The following RHBDD3 variants were observed in gnomAD, a reference collection of about 807,000 sequenced individuals.
RHBDD3 encodes the protein rhomboid domain containing 3.
RHBDD3 carries 34 observed loss-of-function variants against 32.3 expected under a neutral mutation model. That is an observed-to-expected ratio of 1.05 (90% CI 0.80 to 1.40). The LOEUF (loss-of-function observed/expected upper bound fraction) is 1.40, where lower values mean the gene tolerates loss of function less well. RHBDD3 is among the 40% of genes most tolerant of loss of function. The probability of loss-of-function intolerance (pLI) is 0.00; values close to 1 mark genes in which losing one functional copy is unlikely to be tolerated. For missense variants in RHBDD3, 482 were observed against 492.6 expected (o/e 0.98, Z 0.20); for synonymous variants, 249 against 239.1 (o/e 1.04, Z -0.38).
At chr22:29,265,974 T>C (rs889493564) in intron 2 of RHBDD3, among the ~76,000 whole-genome samples, 1 of 152,140 alleles carries the variant, frequency 6.6e-6, no homozygotes, top group African/African-American at 2.4e-5. Context: ...TTCAGGGCCA[T>C]CTCTAGCCCT....
At chr22:29,265,258 G>A in intron 3 of RHBDD3, 1 of 408,338 alleles carries the variant, frequency 2.4e-6, no homozygotes, top group Non-Finnish European at 4.3e-6. Flanking sequence ...CATGAGAAAA[G>A]CACTCCTACC....
At position 29,260,196 on chromosome 22, in the gene RHBDD3, G is replaced by T; in HGVS notation, c.1025C>A (p.Ala342Glu). Residue 342 changes from alanine to glutamate, a missense_variant, in exon 7 of 7, where the codon GCG becomes GAG. Coordinates refer to ENST00000216085, the MANE Select transcript of RHBDD3 (RefSeq NM_012265.3). ...LERMGFPTEQ[A>E]VVALAATGRV... The stretch of plus-strand genomic sequence containing the variant: ...GCCTGTGGCTGCCAGTGCCACCACC[G>T]CCTGCTCCGTAGGGAAGCCCATGCG... 1 of 1,594,794 alleles carries T rather than the reference G, an allele frequency of 6.3e-7. No homozygotes were observed. Among genetic ancestry groups the T allele is most frequent in the Non-Finnish European group, 8.5e-7 (1 of 1,171,250 alleles).
At chr22:29,263,787 C>A in intron 4 of RHBDD3, 48 bp downstream of exon 4, 1 of 1,467,032 alleles carries the variant, frequency 6.8e-7, no homozygotes, top group South Asian at 1.4e-5. Flanking sequence ...GGCACCCACC[C>A]ACAGAACCCA....
intron 2 of RHBDD3, among the ~76,000 whole-genome samples, chr22:29,266,628 A>G (rs1020062252): frequency 6.6e-6 from 1 of 152,006 alleles, no homozygotes. Context: ...TGCCCACCAA[A>G]GCAAGGCCTT....
chr22:29,261,340 T>C (rs1257425843), intron 4 of RHBDD3: 1 of 469,458 alleles, frequency 2.1e-6, no homozygotes, highest in East Asian at 6.9e-5. Flanking sequence ...CACAGCTGTA[T>C]AATCCCAGCA....
chr22:29,265,776 T>A (rs1446647860), intron 2 of RHBDD3, 108 bp from the exon 3 acceptor site: 1 of 1,163,588 alleles, frequency 8.6e-7, no homozygotes, highest in Non-Finnish European at 1.1e-6. Flanking sequence ...GGAAACAGGC[T>A]GGAGACGCAG....
Position 29,265,539 on chromosome 22 carries a change from G to A in RHBDD3, c.88C>T (p.Leu30=). 6.3e-7 allele frequency: 1 copy of A among 1,584,774 alleles called. No homozygotes were observed. The highest frequency in any genetic ancestry group is 8.6e-7 in the Non-Finnish European group (1 of 1,169,474). ...VLMLLMSTLW[L]VGAGPGLVLA... ...ACCAGGCCGGGGCCGGCCCCCACCA[G>A]CCACAGGGTGCTCATCAGCAGCATC... The change falls in exon 3 of 7, where the codon CTG becomes TTG. Residue 30 remains leucine, a synonymous_variant. Coordinates refer to ENST00000216085, the MANE Select transcript of RHBDD3 (RefSeq NM_012265.3).
rs2058146962 is a variant in RHBDD3 at position 29,263,880 on chromosome 22, G to C, written c.487C>G (p.Pro163Ala). The change falls in exon 4 of 7, where the codon CCA becomes GCA. Residue 163 changes from proline to alanine, a missense_variant. Pro to Ala is a conservative substitution (Grantham distance 27). Transcript: ENST00000216085. ...CCGCAAAGGAGCTGCAGGAAGGGTG[G>C]CTCAGAGCTGAGCAGTGGGGTCAGG... Reference protein sequence around the residue: ...LALTPLLSSEPPFLQLLCGLL... With the variant: ...LALTPLLSSEAPFLQLLCGLL... 1.3e-6 allele frequency: 2 copies of C among 1,547,660 alleles called. No homozygotes were observed. The highest frequency in any genetic ancestry group is 1.7e-6 in the Non-Finnish European group (2 of 1,145,558).
chr22:29,263,021 G>A (rs979426458), intron 4 of RHBDD3, among the ~76,000 whole-genome samples: 2 of 151,656 alleles, frequency 1.3e-5, no homozygotes, highest in African/African-American at 4.8e-5. Context: ...GACTATAGGC[G>A]CCTGCCACCA....
Position 29,264,049 on chromosome 22 carries a change from C to G in RHBDD3, c.318G>C (p.Leu106=). ...LALASGLLAV[L]LAGLGLSSAA... ...CACTGGACAGCCCAAGGCCTGCCAGCAGCACTGCCAGCAGCCCAGAAGCCA... is the reference window on the plus strand; with the variant it reads ...CACTGGACAGCCCAAGGCCTGCCAGGAGCACTGCCAGCAGCCCAGAAGCCA... The change falls in exon 4 of 7, where the codon CTG becomes CTC. Residue 106 remains leucine, a synonymous_variant. Coordinates refer to ENST00000216085, the MANE Select transcript of RHBDD3 (RefSeq NM_012265.3). 2 of 1,570,628 alleles carry G rather than the reference C, an allele frequency of 1.3e-6. No individual in the cohort carries two copies. The highest frequency in any genetic ancestry group is 1.7e-6 in the Non-Finnish European group (2 of 1,158,590).
Position 29,260,749 on chromosome 22 carries a change from G to C in RHBDD3, c.648C>G (p.Thr216=), listed in dbSNP as rs987440329. The part of the protein sequence containing the change: ...AGCWPLRLLA[T]PGSLAELPVT... ...CAGGCAGCTCCGCCAGGCTACCCGG[G>C]GTGGCAAGGAGCCTCAGGGGCCAGC... The change falls in exon 5 of 7, where the codon ACC becomes ACG. Residue 216 remains threonine (T), a synonymous_variant. Coordinates refer to ENST00000216085, the MANE Select transcript of RHBDD3 (RefSeq NM_012265.3). The C allele has an allele frequency of 3.1e-6, 5 of 1,599,612 alleles. No individual in the cohort carries two copies. The highest frequency in any genetic ancestry group is 1.3e-5 in the African/African-American group (1 of 74,664).
intron 3 of RHBDD3, 185 bp from the exon 4 acceptor site, chr22:29,264,403 C>T: frequency 7.0e-7 from 1 of 1,418,846 alleles, no homozygotes; most frequent in South Asian, 1.6e-5. Flanking sequence ...GACTTCCAAA[C>T]ACTGTGGCTA....
At chr22:29,264,317 C>T (rs2058153789) in intron 3 of RHBDD3, 99 bp from the exon 4 acceptor site, 2 of 1,434,642 alleles carry the variant, frequency 1.4e-6, no homozygotes, top group African/African-American at 1.4e-5. Context: ...CCAGGGCCAC[C>T]TGCTGAGCCC....
chr22:29,263,615 G>A (rs549010760), intron 4 of RHBDD3, among the ~76,000 whole-genome samples: 10 of 152,178 alleles, frequency 6.6e-5, no homozygotes, highest in African/African-American at 1.2e-4. Context: ...GGGAGCCCAC[G>A]TAGCCCTTTA....
At position 29,267,787 on chromosome 22, in the gene RHBDD3, A is replaced by C; in HGVS notation, c.-234T>G. The C allele has an allele frequency of 5.6e-6, 1 of 177,596 alleles. No individual in the cohort carries two copies. Among genetic ancestry groups the C allele is most frequent in the African/African-American group, 2.4e-5 (1 of 42,222 alleles). The allele number at this position is 177,596 out of a possible 1,614,324, so 11.0% of individuals were successfully genotyped here. On this transcript the variant is annotated 5_prime_UTR_variant, in exon 1 of 7. Transcript: ENST00000216085. ...GGCAACCCCGAAAGGCCGGTCGGGGACCCCGGCTGGGAGTCAGGACTCTAG... is the reference window on the plus strand; with the variant it reads ...GGCAACCCCGAAAGGCCGGTCGGGGCCCCCGGCTGGGAGTCAGGACTCTAG...
chr22:29,266,189 C>A (rs992879395), intron 2 of RHBDD3, among the ~76,000 whole-genome samples: 1 of 152,186 alleles, frequency 6.6e-6, no homozygotes, highest in African/African-American at 2.4e-5. Flanking sequence ...ACTGAGACAT[C>A]CCCTTTGAGG....
At position 29,265,569 on chromosome 22, in the gene RHBDD3, C is replaced by G. The variant is rs1262640837; in HGVS notation, c.58G>C (p.Val20Leu). The G allele has an allele frequency of 3.1e-6, 5 of 1,590,924 alleles. No homozygotes were observed. The highest frequency in any genetic ancestry group is 4.3e-6 in the Non-Finnish European group (5 of 1,171,526). ...LSPALPLASS[V>L]LMLLMSTLWL... is the part of the protein sequence containing the mutation. ...AGGGTGCTCATCAGCAGCATCAGGA[C>G]TGAGGAGGCCAGAGGCAGTGCTGGG... The change falls in exon 3 of 7, where the codon GTC (valine) becomes CTC (leucine). Residue 20 changes from valine to leucine, a missense_variant. Physicochemically the swap from Val to Leu is conservative, Grantham distance 32. Transcript: ENST00000216085.
At chr22:29,260,642 G>A (rs2058102978) in intron 5 of RHBDD3, 29 bp from the exon 6 acceptor site, 3 of 1,562,220 alleles carry the variant, frequency 1.9e-6, no homozygotes, top group Non-Finnish European at 1.7e-6. Context: ...AAGAGGGCCT[G>A]ACTGGCAGCC....
intron 3 of RHBDD3, chr22:29,264,951 T>A (rs538037522): frequency 6.6e-6 from 1 of 152,458 alleles, no homozygotes; most frequent in South Asian, 2.1e-4. Flanking sequence ...CTAATCTTTT[T>A]GTATTTTTAG....
Sources: gnomAD v4.1 joint callset for allele counts (sites outside exome capture counted in the v4.1 genomes callset) on GRCh38, gnomAD v4.1.1 for gene constraint, MANE v1.5 for transcripts, NCBI Gene and HGNC (gene_info 2026-07-23, HGNC 2026-07-21) for gene names.